Variants in PRKG1 observed in about 807,000 individuals in gnomAD.
PRKG1 encodes protein kinase cGMP-dependent 1, also known as cGMP-dependent protein kinase 1.
Under a neutral mutation model 88.1 loss-of-function variants are expected in PRKG1, and 35 were observed. The ratio of observed to expected loss-of-function variants is 0.40; its 90% confidence interval spans 0.30 to 0.53. The LOEUF (loss-of-function observed/expected upper bound fraction) is 0.53, where lower values mean the gene tolerates loss of function less well. Among genes scored for constraint, PRKG1 ranks in the 20% least tolerant of loss-of-function variants. PRKG1 has a pLI of 0.59. For synonymous variants in PRKG1, 303 were observed against 292.5 expected (o/e 1.04, Z -0.37); for missense variants, 540 against 839.8 (o/e 0.64, Z 4.41).
intron 5 of PRKG1, among the ~76,000 whole-genome samples, chr10:52,044,421 T>G (rs1845818270): frequency 6.6e-6 from 1 of 152,100 alleles, no homozygotes; most frequent in Non-Finnish European, 1.5e-5. Context: ...TGCACACCTT[T>G]AAAAGGGAAA....
Position 52,135,882 on chromosome 10 carries a change from GAGA to G in PRKG1, c.1001+1984_1001+1986del, listed in dbSNP as rs572171048. Among the ~76,000 whole-genome samples, 411 of 152,108 alleles carry G rather than the reference GAGA, an allele frequency of 2.7e-3. 3 individuals carry two copies. The highest frequency in any genetic ancestry group is 9.2e-3 in the African/African-American group (383 of 41,530). ...CAGGACAGAATTGCATGAAAGAATC[GAGA>G]AGAAGATTAAAGAGCCAAGGCTAGA... On this transcript the variant is annotated intron_variant, in intron 8 of 17. Transcript: ENST00000373980.
At position 51,127,073 on chromosome 10, in the gene PRKG1, C is replaced by T. The variant is rs188052551; in HGVS notation, c.312-26091C>T. Among the ~76,000 whole-genome samples the T allele has an allele frequency of 7.8e-4, 118 of 152,244 alleles. 2 individuals are homozygous for T. Among genetic ancestry groups the T allele is most frequent in the South Asian group, 4.6e-3 (22 of 4,826 alleles). On this transcript the variant is annotated intron_variant, in intron 1 of 17. Coordinates refer to ENST00000373980, the MANE Select transcript of PRKG1 (RefSeq NM_006258.4). ...ATGGACAAAGATTTCATGATGAAAACGCCAAAAACGATTGCAACAAAAGTC... is the reference window on the plus strand; with the variant it reads ...ATGGACAAAGATTTCATGATGAAAATGCCAAAAACGATTGCAACAAAAGTC...
intron 9 of PRKG1, among the ~76,000 whole-genome samples, chr10:52,241,348 C>A (rs538588064): frequency 6.6e-6 from 1 of 152,148 alleles, no homozygotes; most frequent in Non-Finnish European, 1.5e-5. Context: ...TCTCTCAAGA[C>A]ACTTGGAATA....
chr10:51,448,703 G>A lies in PRKG1; in HGVS notation c.479-19020G>A, dbSNP rs10159859. Among the ~76,000 whole-genome samples, 374 of 152,034 alleles carry A rather than the reference G, an allele frequency of 2.5e-3. 1 individual carries two copies. The highest frequency in any genetic ancestry group is 8.5e-3 in the African/African-American group (354 of 41,522). On this transcript the variant is annotated intron_variant, in intron 2 of 17. Coordinates refer to ENST00000373980, the MANE Select transcript of PRKG1 (RefSeq NM_006258.4). ...ATATACCAATGATTTTTTTAAAAAA[G>A]ATAGAAATCTTGGGAGGTCTGGACA...
intron 3 of PRKG1, among the ~76,000 whole-genome samples, chr10:51,524,315 G>GA (rs1272431963): frequency 6.6e-6 from 1 of 152,118 alleles, no homozygotes; most frequent in Non-Finnish European, 1.5e-5. Flanking sequence ...CATCATCTGG[G>GA]AAAAATGGTG....
intron 5 of PRKG1, among the ~76,000 whole-genome samples, chr10:51,974,817 G>A (rs534857066): frequency 6.6e-6 from 1 of 151,984 alleles, no homozygotes; most frequent in East Asian, 1.9e-4. Context: ...TCTCTCTGAT[G>A]TTTTTCTAAA....
chr10:52,069,293 G>T (rs1470312364), intron 7 of PRKG1, among the ~76,000 whole-genome samples: 2 of 152,130 alleles, frequency 1.3e-5, no homozygotes, highest in Non-Finnish European at 2.9e-5. Context: ...CACGTTGGTA[G>T]GCTGAGGCAG....
intron 3 of PRKG1, among the ~76,000 whole-genome samples, chr10:51,533,798 C>T (rs1842075650): frequency 6.6e-6 from 1 of 152,096 alleles, no homozygotes; most frequent in South Asian, 2.1e-4. Flanking sequence ...AGGAGAGCTT[C>T]CAGTTGTGGG....
intron 3 of PRKG1, chr10:51,698,383 T>C: frequency 6.2e-7 from 1 of 1,614,034 alleles, no homozygotes; most frequent in Non-Finnish European, 8.5e-7. Context: ...CAATTAGCAG[T>C]CTGGGATCTC....
At chr10:52,193,563 C>CAAAAAAAAAAAA in intron 9 of PRKG1, among the ~76,000 whole-genome samples, 1 of 118,522 alleles carries the variant, frequency 8.4e-6, no homozygotes, top group African/African-American at 3.3e-5. Flanking sequence ...AAAAAAAAAA[C>CAAAAAAAAAAAA]AAAAAAAAAA....
At chr10:51,743,732 AAC>A (rs1837503768) in intron 3 of PRKG1, among the ~76,000 whole-genome samples, 3 of 37,476 alleles carry the variant, frequency 8.0e-5, no homozygotes, top group African/African-American at 3.8e-4. Context: ...ATATAATATA[AAC>A]TAAATATATA....
chr10:51,375,720 T>TAA (rs1197934647), intron 2 of PRKG1, among the ~76,000 whole-genome samples: 2 of 151,892 alleles, frequency 1.3e-5, no homozygotes, highest in East Asian at 3.9e-4. Context: ...AGGCAGAAGA[T>TAA]AAACATATAA....
At chr10:51,306,380 A>C (rs1841038115) in intron 2 of PRKG1, among the ~76,000 whole-genome samples, 1 of 152,190 alleles carries the variant, frequency 6.6e-6, no homozygotes, top group African/African-American at 2.4e-5. Flanking sequence ...ATTGATATGC[A>C]TATTTCCCTC....
At chr10:52,206,650 T>A (rs1589699686) in intron 9 of PRKG1, among the ~76,000 whole-genome samples, 1 of 152,190 alleles carries the variant, frequency 6.6e-6, no homozygotes, top group East Asian at 1.9e-4. Flanking sequence ...TGGTTTCAGT[T>A]GACTGGCTTC....
At chr10:51,147,164 T>A (rs1437894190) in intron 1 of PRKG1, among the ~76,000 whole-genome samples, 1 of 152,104 alleles carries the variant, frequency 6.6e-6, no homozygotes, top group African/African-American at 2.4e-5. Context: ...ACTGAAGGGT[T>A]GGTTAATGGA....
chr10:52,022,922 T>G (rs976874711), intron 5 of PRKG1, among the ~76,000 whole-genome samples: 77 of 152,022 alleles, frequency 5.1e-4, no homozygotes, highest in African/African-American at 1.5e-3. Context: ...GGTGAGGGTG[T>G]TTTTTTAATT....
Position 51,137,277 on chromosome 10 carries a change from C to T in PRKG1, c.312-15887C>T, listed in dbSNP as rs148586746. Among the ~76,000 whole-genome samples the T allele has an allele frequency of 2.7e-3, 411 of 152,092 alleles. 4 individuals carry two copies. The East Asian group carries it at 0.03, about 11-fold the overall frequency. On this transcript the variant is annotated intron_variant, in intron 1 of 17. Transcript: ENST00000373980. Reference sequence around the variant, plus strand: ...GGAGGAGTGGTAAATTGTGCAGAAACGTTTAGGTTTAACAAGATCCAAAAT... The same window carrying T: ...GGAGGAGTGGTAAATTGTGCAGAAATGTTTAGGTTTAACAAGATCCAAAAT...
At chr10:51,982,987 A>G (rs1254771015) in intron 5 of PRKG1, among the ~76,000 whole-genome samples, 1 of 151,990 alleles carries the variant, frequency 6.6e-6, no homozygotes, top group Middle Eastern at 3.2e-3. Context: ...CGGTGTTAAT[A>G]TGGGGATGGG....
Position 52,224,808 on chromosome 10 carries a change from C to CATATAT in PRKG1, c.1077-26736_1077-26731dup, listed in dbSNP as rs71032630. On this transcript the variant is annotated intron_variant, in intron 9 of 17. Coordinates refer to ENST00000373980, the MANE Select transcript of PRKG1 (RefSeq NM_006258.4). ...TTTTTATGGCTGCATAGTATTCCAT[C>CATATAT]ATATATATATATATATATATATATA... 2.6e-3 allele frequency among the ~76,000 whole-genome samples: 279 copies of CATATAT among 106,322 alleles called. 10 individuals are homozygous for CATATAT. Among genetic ancestry groups the CATATAT allele is most frequent in the African/African-American group, 7.9e-3 (212 of 26,736 alleles). The allele number at this position is 106,322 out of a possible 152,430, so 69.8% of individuals were successfully genotyped here.
Sources: allele counts gnomAD v4.1 joint callset (sites outside exome capture counted in the v4.1 genomes callset), GRCh38; gene constraint gnomAD v4.1.1; transcripts MANE v1.5; gene names NCBI Gene and HGNC (gene_info 2026-07-23, HGNC 2026-07-21).